The following PTPRC variants were observed in gnomAD, a reference collection of about 807,000 sequenced individuals.
PTPRC encodes the protein protein tyrosine phosphatase receptor type C, also known as receptor-type tyrosine-protein phosphatase C.
A neutral mutation model predicts 155.9 loss-of-function variants in PTPRC; 44 were observed. The observed-to-expected ratio is 0.28, with a 90% CI of 0.22 to 0.36. PTPRC has a LOEUF of 0.36. Ranked by LOEUF, PTPRC falls within the 10% of genes least tolerant of loss-of-function variation. The pLI, the probability that PTPRC is intolerant of heterozygous loss-of-function variation, is 1.00. For synonymous variants in PTPRC, 525 were observed against 533.1 expected, an observed-to-expected ratio of 0.98 and a Z score of 0.21; for missense variants, 1,401 against 1,564.6, an observed-to-expected ratio of 0.90 and a Z score of 1.76.
At chr1:198,673,878 T>G (rs1327011732) in intron 2 of PTPRC, among the ~76,000 whole-genome samples, 1 of 152,180 alleles carries the variant, frequency 6.6e-6, no homozygotes, top group Non-Finnish European at 1.5e-5. Flanking sequence ...AAATTGAAAT[T>G]TTGAAGTATT....
At chr1:198,722,552 T>A in intron 15 of PTPRC, 76 bp downstream of exon 15, 1 of 829,584 alleles carries the variant, frequency 1.2e-6, no homozygotes, top group Non-Finnish European at 1.6e-6. Flanking sequence ...TATTTTACAC[T>A]TATAATCACA....
At chr1:198,675,186 A>G (rs930982206) in intron 2 of PTPRC, among the ~76,000 whole-genome samples, 3 of 152,048 alleles carry the variant, frequency 2.0e-5, no homozygotes, top group Non-Finnish European at 4.4e-5. Flanking sequence ...AAATGACTCT[A>G]TTTTTCCCAG....
chr1:198,700,052 G>A (rs1666391427), intron 5 of PTPRC: 1 of 351,430 alleles, frequency 2.8e-6, no homozygotes, highest in Non-Finnish European at 5.4e-6. Flanking sequence ...TAAAGACTTT[G>A]TACCAACAAA....
chr1:198,662,783 T>C (rs1456417109), intron 2 of PTPRC, among the ~76,000 whole-genome samples: 4 of 152,224 alleles, frequency 2.6e-5, no homozygotes, highest in African/African-American at 9.6e-5. Context: ...TTGACAGTTA[T>C]GTTTCTGTTC....
At chr1:198,718,025 A>C (rs920657438) in intron 13 of PTPRC, 69 bp from the exon 14 acceptor site, 3 of 1,259,636 alleles carry the variant, frequency 2.4e-6, no homozygotes, top group Non-Finnish European at 3.4e-6. Flanking sequence ...ACTATATCCA[A>C]GTATTGTCAA....
At chr1:198,726,128 T>G (rs563462219) in intron 15 of PTPRC, among the ~76,000 whole-genome samples, 1 of 152,368 alleles carries the variant, frequency 6.6e-6, no homozygotes, top group African/African-American at 2.4e-5. Context: ...TATTATGGAT[T>G]GGAATGCTAA....
chr1:198,695,043 C>T, intron 3 of PTPRC: 1 of 940,270 alleles, frequency 1.1e-6, no homozygotes, highest in South Asian at 4.9e-5. Context: ...TTTTGCATTT[C>T]TGTAATCACA....
intron 3 of PTPRC, among the ~76,000 whole-genome samples, chr1:198,696,440 G>T (rs990782893): frequency 1.1e-4 from 17 of 151,728 alleles, no homozygotes; most frequent in African/African-American, 3.9e-4. Flanking sequence ...CTAATGTTCT[G>T]TAGCTTGTTT....
chr1:198,680,377 C>T (rs1665246927), intron 2 of PTPRC, among the ~76,000 whole-genome samples: 2 of 151,516 alleles, frequency 1.3e-5, no homozygotes, highest in South Asian at 2.1e-4. Flanking sequence ...CGCGTGAACC[C>T]GGCAGGCGGA....
At chr1:198,727,506 C>A (rs980935619) in intron 15 of PTPRC, among the ~76,000 whole-genome samples, 1 of 152,010 alleles carries the variant, frequency 6.6e-6, no homozygotes, top group Admixed American at 6.6e-5. Flanking sequence ...TCCCAGCCAC[C>A]GTGCTACGTG....
chr1:198,734,660 C>T (rs1205939411), intron 22 of PTPRC, among the ~76,000 whole-genome samples: 3 of 151,690 alleles, frequency 2.0e-5, no homozygotes, highest in African/African-American at 7.2e-5. Context: ...TTGCTAGACT[C>T]TTAACTTGAT....
At chr1:198,650,192 C>T (rs1663169326) in intron 2 of PTPRC, among the ~76,000 whole-genome samples, 1 of 151,820 alleles carries the variant, frequency 6.6e-6, no homozygotes, top group Non-Finnish European at 1.5e-5. Flanking sequence ...GCAGGTCCCA[C>T]AGGGCCTTGA....
intron 14 of PTPRC, among the ~76,000 whole-genome samples, chr1:198,719,584 T>C (rs1025768834): frequency 1.3e-5 from 2 of 150,900 alleles, no homozygotes; most frequent in African/African-American, 5.0e-5. Context: ...TTTTGTTTTG[T>C]TTTGTTTTGT....
Position 198,734,436 on chromosome 1 carries a change from A to T in PTPRC, c.2277+11A>T, listed in dbSNP as rs375758864. ...GAAGAAGGAAACAGGGTAAGAACCAAGAAGATTCATAGTGTGGGTCTTGGG... is the reference window on the plus strand; with the variant it reads ...GAAGAAGGAAACAGGGTAAGAACCATGAAGATTCATAGTGTGGGTCTTGGG... On this transcript the variant is annotated intron_variant, in intron 22 of 32. Coordinates refer to ENST00000442510, the MANE Select transcript of PTPRC (RefSeq NM_002838.5). 7.5e-6 allele frequency: 12 copies of T among 1,608,422 alleles called. No individual in the cohort carries two copies. In the African/African-American group the frequency reaches 1.5e-4, roughly 20 times the overall value.
At chr1:198,678,989 GA>G in intron 2 of PTPRC, 4 of 212,076 alleles carry the variant, frequency 1.9e-5, no homozygotes, top group Middle Eastern at 5.9e-4. Context: ...CAGGCAGCAG[GA>G]AAAGTTACCC....
intron 3 of PTPRC, 187 bp downstream of exon 3, chr1:198,692,560 C>T (rs1665986613): frequency 6.6e-6 from 7 of 1,059,012 alleles, no homozygotes; most frequent in Non-Finnish European, 8.4e-6. Context: ...TAATAACTAC[C>T]TAAACATGTT....
In PTPRC at chr1:198,742,594, T is replaced by A. The variant is rs115997676; in HGVS notation, c.2697+227T>A. Among the ~76,000 whole-genome samples the A allele has an allele frequency of 4.6e-3, 700 of 151,942 alleles. 4 individuals are homozygous for A. The highest frequency in any genetic ancestry group is 0.016 in the African/African-American group (670 of 41,496). The stretch of plus-strand genomic sequence containing the variant: ...AGATGACCACAAAATATATAATTTT[T>A]AAAATAATGAACTACTGTTAACATA... On this transcript the variant is annotated intron_variant, in intron 25 of 32. Transcript: ENST00000442510.
At chr1:198,745,538 C>T (rs1655100959) in intron 26 of PTPRC, among the ~76,000 whole-genome samples, 1 of 151,752 alleles carries the variant, frequency 6.6e-6, no homozygotes, top group Admixed American at 6.6e-5. Context: ...AACTAGTTAC[C>T]TCAAAGTATA....
At chr1:198,715,256 G>A (rs1005826257) in intron 12 of PTPRC, among the ~76,000 whole-genome samples, 1 of 152,000 alleles carries the variant, frequency 6.6e-6, no homozygotes, top group African/African-American at 2.4e-5. Context: ...CCTAGTAGCT[G>A]GGACTACAGG....
Sources: allele counts gnomAD v4.1 joint callset (sites outside exome capture counted in the v4.1 genomes callset), GRCh38; gene constraint gnomAD v4.1.1; transcripts MANE v1.5; gene names NCBI Gene and HGNC (gene_info 2026-07-23, HGNC 2026-07-21).